The following EVI5 variants were observed in gnomAD, a reference collection of about 807,000 sequenced individuals.
EVI5 encodes the protein ecotropic viral integration site 5.
A neutral mutation model predicts 112.0 loss-of-function variants in EVI5; 73 were observed. That is an observed-to-expected ratio of 0.65 (90% confidence interval 0.54 to 0.79). The LOEUF (loss-of-function observed/expected upper bound fraction) is 0.79. Among genes scored for constraint, EVI5 ranks in the 30% least tolerant of loss-of-function variants. The pLI is 0.00. For synonymous variants in EVI5, 305 were observed against 319.9 expected (o/e 0.95, Z 0.50); for missense variants, 900 against 968.8 (o/e 0.93, Z 0.94).
At chr1:92,621,468 C>T (rs1381861369) in intron 16 of EVI5, among the ~76,000 whole-genome samples, 1 of 152,198 alleles carries the variant, frequency 6.6e-6, no homozygotes, top group African/African-American at 2.4e-5. Context: ...TGTGCCACCA[C>T]ACCTGGATAA....
At chr1:92,677,022 G>T in intron 10 of EVI5, 136 bp downstream of exon 10, 1 of 606,570 alleles carries the variant, frequency 1.6e-6, no homozygotes, top group Non-Finnish European at 2.8e-6. Context: ...CTGCTTTTTT[G>T]AAATGTCTAT....
At chr1:92,593,507 C>A (rs1209750896) in intron 18 of EVI5, among the ~76,000 whole-genome samples, 3 of 152,154 alleles carry the variant, frequency 2.0e-5, no homozygotes, top group African/African-American at 4.8e-5. Context: ...TGAAAACCGG[C>A]ACAAGACAAG....
At chr1:92,779,681 T>A (rs1423940888) in intron 1 of EVI5, among the ~76,000 whole-genome samples, 1 of 152,132 alleles carries the variant, frequency 6.6e-6, no homozygotes, top group East Asian at 1.9e-4. Flanking sequence ...AGAAACAAGC[T>A]GAGGAGTCTC....
chr1:92,744,791 T>C (rs1679017045), intron 1 of EVI5, among the ~76,000 whole-genome samples: 1 of 152,164 alleles, frequency 6.6e-6, no homozygotes, highest in Non-Finnish European at 1.5e-5. Flanking sequence ...AGGAAGAGTT[T>C]TTCCAAGCTA....
At chr1:92,525,907 C>T (rs372382244) in intron 19 of EVI5, among the ~76,000 whole-genome samples, 20 of 152,272 alleles carry the variant, frequency 1.3e-4, no homozygotes, top group Admixed American at 1.1e-3. Context: ...AGATAGGTCT[C>T]AGAAGATTAT....
chr1:92,695,249 C>A (rs1670124264), intron 7 of EVI5, 61 bp downstream of exon 7: 1 of 1,422,330 alleles, frequency 7.0e-7, no homozygotes, highest in African/African-American at 1.4e-5. Context: ...CATTGCCCTG[C>A]TCTCACTAAC....
chr1:92,670,506 G>A (rs1419948543), intron 10 of EVI5, among the ~76,000 whole-genome samples: 3 of 151,926 alleles, frequency 2.0e-5, no homozygotes, highest in African/African-American at 4.8e-5. Context: ...CTCTCCCTTC[G>A]TAGTATAACT....
intron 10 of EVI5, among the ~76,000 whole-genome samples, chr1:92,666,585 A>G (rs1664939102): frequency 7.2e-6 from 1 of 139,690 alleles, no homozygotes; most frequent in Non-Finnish European, 1.5e-5. Context: ...CCCTGTGTCC[A>G]AAAAAGGGAG....
rs1198052537 is a variant in EVI5 at position 92,513,771 on chromosome 1, G to A, written c.2366C>T (p.Ala789Val). The change falls in exon 20 of 20, where the codon GCA (alanine) becomes GTA (valine). Residue 789 changes from alanine to valine, a missense_variant. By Grantham distance (64) the Ala-to-Val change is moderately conservative. Transcript: ENST00000684568. Reference protein sequence around the residue: ...SGSMSLDPAVADGSESETEDS... With the variant: ...SGSMSLDPAVVDGSESETEDS... ...TTCTGTTTCGCTCTCACTACCATCTGCCACTGCGGGGTCCAAAGACATCGA... is the reference window on the plus strand; with the variant it reads ...TTCTGTTTCGCTCTCACTACCATCTACCACTGCGGGGTCCAAAGACATCGA... 2.5e-6 allele frequency: 4 copies of A among 1,613,380 alleles called. No individual in the cohort carries two copies. The Admixed American group carries it at 5.0e-5, about 20-fold the overall frequency.
intron 1 of EVI5, chr1:92,792,208 G>A: frequency 1.6e-6 from 1 of 614,660 alleles, no homozygotes; most frequent in Non-Finnish European, 2.9e-6. Flanking sequence ...CTGAAGAAAT[G>A]TTAACAAGCT....
intron 7 of EVI5, 131 bp downstream of exon 7, chr1:92,695,179 T>G (rs2102477427): frequency 9.4e-5 from 63 of 667,728 alleles, no homozygotes; most frequent in Non-Finnish European, 1.5e-4. Context: ...AAGGTTTAAA[T>G]GAGATTATCC....
rs768863606 is a variant in EVI5, at chr1:92,636,271, G to T, written c.1458C>A (p.Ala486=). Residue 486 remains alanine, a synonymous_variant, in exon 14 of 20, where the codon GCC becomes GCA. Coordinates refer to ENST00000684568, the MANE Select transcript of EVI5 (RefSeq NM_001350197.2). ...ACTGAGACTCAGCTTCACTCAGTCGGGCTTGGACCAATTCCTTCTCTAGCT... is the reference window on the plus strand; with the variant it reads ...ACTGAGACTCAGCTTCACTCAGTCGTGCTTGGACCAATTCCTTCTCTAGCT... ...VLQLEKELVQ[A]RLSEAESQCA... 1.2e-6 allele frequency: 2 copies of T among 1,613,424 alleles called. No individual in the cohort carries two copies. Among genetic ancestry groups the T allele is most frequent in the Non-Finnish European group, 1.7e-6 (2 of 1,179,480 alleles).
Position 92,674,459 on chromosome 1 carries a change from C to G in EVI5, c.1158+2699G>C, listed in dbSNP as rs148065519. Among the ~76,000 whole-genome samples the G allele has an allele frequency of 1.3e-3, 202 of 152,270 alleles. 1 individual carries two copies. The highest frequency in any genetic ancestry group is 4.7e-3 in the African/African-American group (197 of 41,556). The stretch of plus-strand genomic sequence containing the variant: ...AACAGAATACCAAACACCACATGTT[C>G]TTGCTCATAAGCAGGAGTTGAACAA... On this transcript the variant is annotated intron_variant, in intron 10 of 19. Transcript: ENST00000684568.
chr1:92,587,947 T>C (rs1406041691), intron 18 of EVI5, among the ~76,000 whole-genome samples: 1 of 152,218 alleles, frequency 6.6e-6, no homozygotes, highest in African/African-American at 2.4e-5. Context: ...ACTAGAAGGC[T>C]TGGGTTTAAT....
chr1:92,594,126 GA>G (rs1178295721), intron 18 of EVI5, among the ~76,000 whole-genome samples: 8 of 152,122 alleles, frequency 5.3e-5, no homozygotes, highest in African/African-American at 1.7e-4. Context: ...TAAGCCAAAA[GA>G]AAAAAGCTGG....
At chr1:92,547,526 CA>C (rs1665960601) in intron 19 of EVI5, among the ~76,000 whole-genome samples, 1 of 151,996 alleles carries the variant, frequency 6.6e-6, no homozygotes, top group South Asian at 2.1e-4. Context: ...GATAGAGACA[CA>C]AAAAACCCTT....
chr1:92,671,607 C>G (rs982692895), intron 10 of EVI5, among the ~76,000 whole-genome samples: 1 of 152,100 alleles, frequency 6.6e-6, no homozygotes, highest in Admixed American at 6.5e-5. Context: ...CAAAATTGGG[C>G]TCCTGGTATC....
intron 18 of EVI5, among the ~76,000 whole-genome samples, chr1:92,577,247 A>G (rs541472880): frequency 2.6e-5 from 4 of 152,310 alleles, no homozygotes; most frequent in African/African-American, 7.2e-5. Context: ...GCATAGGCAG[A>G]CTTAGGCTTG....
chr1:92,646,111 G>A (rs966166599), intron 13 of EVI5, among the ~76,000 whole-genome samples: 2 of 152,144 alleles, frequency 1.3e-5, no homozygotes, highest in Non-Finnish European at 2.9e-5. Flanking sequence ...TCACTTAAAT[G>A]TGTCGAGTTT....
Sources: gnomAD v4.1 joint callset for allele counts (sites outside exome capture counted in the v4.1 genomes callset) on GRCh38, gnomAD v4.1.1 for gene constraint, MANE v1.5 for transcripts, NCBI Gene and HGNC (gene_info 2026-07-23, HGNC 2026-07-21) for gene names.